The following NRXN1 variants were observed in gnomAD, a reference collection of about 807,000 sequenced individuals.
The protein encoded by NRXN1 is neurexin-1.
A neutral mutation model predicts 150.9 loss-of-function variants in NRXN1; 39 were observed. That is an observed-to-expected ratio of 0.26 (90% CI 0.20 to 0.34). NRXN1 has a LOEUF of 0.34. NRXN1 is among the 10% of genes least tolerant of loss of function. The probability of loss-of-function intolerance (pLI) is 1.00; values close to 1 mark genes in which losing one functional copy is unlikely to be tolerated. For synonymous variants in NRXN1, 924 were observed against 757.0 expected, an observed-to-expected ratio of 1.22 and a Z score of -3.62; for missense variants, 1,815 against 1,949.9, an observed-to-expected ratio of 0.93 and a Z score of 1.30.
chr2:50,452,393 T>G (rs568540499), intron 17 of NRXN1, among the ~76,000 whole-genome samples: 2 of 152,288 alleles, frequency 1.3e-5, no homozygotes, highest in Admixed American at 6.5e-5. Flanking sequence ...TCACGGACTC[T>G]TAGCTCTACA....
At chr2:50,331,233 A>T (rs1204969731) in intron 17 of NRXN1, among the ~76,000 whole-genome samples, 1 of 152,174 alleles carries the variant, frequency 6.6e-6, no homozygotes, top group Non-Finnish European at 1.5e-5. Flanking sequence ...AAGCTGCATC[A>T]AAGCTTTCTT....
At chr2:50,658,938 G>T (rs1225466569) in intron 5 of NRXN1, among the ~76,000 whole-genome samples, 1 of 151,950 alleles carries the variant, frequency 6.6e-6, no homozygotes, top group African/African-American at 2.4e-5. Flanking sequence ...TTATACTTTG[G>T]GTAGGCATAG....
intron 18 of NRXN1, among the ~76,000 whole-genome samples, chr2:50,211,630 A>G (rs1346779158): frequency 6.6e-6 from 1 of 151,568 alleles, no homozygotes; most frequent in African/African-American, 2.4e-5. Flanking sequence ...GTAAACTTGA[A>G]TGAAACCTAA....
intron 17 of NRXN1, among the ~76,000 whole-genome samples, chr2:50,361,832 T>G (rs1032599036): frequency 6.6e-6 from 1 of 152,150 alleles, no homozygotes; most frequent in African/African-American, 2.4e-5. Context: ...CTGATGAACA[T>G]CGATGCGAAA....
At chr2:50,056,840 A>G (rs1450985638) in intron 19 of NRXN1, among the ~76,000 whole-genome samples, 1 of 152,162 alleles carries the variant, frequency 6.6e-6, no homozygotes, top group Non-Finnish European at 1.5e-5. Flanking sequence ...CCTTTGCTCT[A>G]TAGTCTTATT....
intron 5 of NRXN1, among the ~76,000 whole-genome samples, chr2:50,797,997 T>C (rs1707085628): frequency 6.6e-6 from 1 of 152,170 alleles, no homozygotes; most frequent in Non-Finnish European, 1.5e-5. Context: ...TGATATTTGT[T>C]ATTTGAGGCG....
intron 16 of NRXN1, among the ~76,000 whole-genome samples, chr2:50,469,080 G>C (rs771217530): frequency 1.3e-5 from 2 of 151,480 alleles, no homozygotes; most frequent in Non-Finnish European, 3.0e-5. Context: ...TCCAAAGTAT[G>C]GTCTCCAGTA....
chr2:50,621,047 A>C (rs1009347283), intron 7 of NRXN1, 179 bp downstream of exon 7: 3 of 540,568 alleles, frequency 5.5e-6, no homozygotes, highest in Non-Finnish European at 9.8e-6. Flanking sequence ...GGAACAGGTA[A>C]AAAATAAGAA....
At chr2:50,172,975 A>G (rs2060122973) in intron 18 of NRXN1, among the ~76,000 whole-genome samples, 2 of 152,122 alleles carry the variant, frequency 1.3e-5, no homozygotes, top group Admixed American at 1.3e-4. Context: ...TCAAAAAAAT[A>G]AATAAATAAA....
intron 5 of NRXN1, among the ~76,000 whole-genome samples, chr2:50,805,819 C>T (rs1015100809): frequency 2.0e-5 from 3 of 152,012 alleles, no homozygotes; most frequent in Admixed American, 2.0e-4. Flanking sequence ...GCATTATAAT[C>T]CCCTGATAGC....
At chr2:50,176,416 C>G (rs995276593) in intron 18 of NRXN1, among the ~76,000 whole-genome samples, 1 of 152,080 alleles carries the variant, frequency 6.6e-6, no homozygotes, top group Non-Finnish European at 1.5e-5. Context: ...TTGGAAGGAG[C>G]AGGGGCCTTT....
intron 5 of NRXN1, among the ~76,000 whole-genome samples, chr2:50,832,973 C>CA (rs1372829114): frequency 6.6e-6 from 1 of 152,134 alleles, no homozygotes; most frequent in African/African-American, 2.4e-5. Context: ...TGTCAACATT[C>CA]AGAAAACCTA....
chr2:50,362,464 A>G (rs2079285494), intron 17 of NRXN1, among the ~76,000 whole-genome samples: 1 of 152,156 alleles, frequency 6.6e-6, no homozygotes, highest in South Asian at 2.1e-4. Flanking sequence ...TAGAGAGCCA[A>G]ATCATGAGCA....
chr2:50,632,035 TATA>T (rs1350889067), intron 5 of NRXN1, among the ~76,000 whole-genome samples: 1 of 151,986 alleles, frequency 6.6e-6, no homozygotes, highest in Non-Finnish European at 1.5e-5. Flanking sequence ...ATAAGTAAAT[TATA>T]ATAATGTTAT....
chr2:49,938,670 T>C (rs929990840), intron 22 of NRXN1, among the ~76,000 whole-genome samples: 3 of 152,208 alleles, frequency 2.0e-5, no homozygotes, highest in African/African-American at 4.8e-5. Context: ...GTATTATTCT[T>C]AGCACTGTAA....
At chr2:50,596,790 G>A (rs1675290287) in intron 8 of NRXN1, among the ~76,000 whole-genome samples, 1 of 150,606 alleles carries the variant, frequency 6.6e-6, no homozygotes, top group African/African-American at 2.4e-5. Context: ...GATTTCCCTA[G>A]TCTGCCTGGA....
At chr2:50,496,934 G>T (rs2091668235) in intron 14 of NRXN1, among the ~76,000 whole-genome samples, 1 of 152,056 alleles carries the variant, frequency 6.6e-6, no homozygotes, top group African/African-American at 2.4e-5. Context: ...AGTTAAAAGG[G>T]TTTTTTTGAA....
At chr2:50,439,563 C>G (rs923252684) in intron 17 of NRXN1, among the ~76,000 whole-genome samples, 6 of 151,940 alleles carry the variant, frequency 3.9e-5, no homozygotes, top group Non-Finnish European at 7.4e-5. Context: ...TCCCAGCACC[C>G]TGGGAGGCCG....
intron 5 of NRXN1, among the ~76,000 whole-genome samples, chr2:50,750,181 C>T (rs1440058295): frequency 6.6e-6 from 1 of 151,820 alleles, no homozygotes; most frequent in South Asian, 2.1e-4. Context: ...ACGACAGGAG[C>T]CTATACTATT....
Sources: allele counts gnomAD v4.1 joint callset (sites outside exome capture counted in the v4.1 genomes callset), GRCh38; gene constraint gnomAD v4.1.1; transcripts MANE v1.5; gene names NCBI Gene and HGNC (gene_info 2026-07-23, HGNC 2026-07-21).